The following GALNT2 variants were observed in gnomAD, a reference collection of about 807,000 sequenced individuals.
The protein encoded by GALNT2 is UDP-GalNAc:polypeptide N-acetylgalactosaminyltransferase 2.
In GALNT2, 31 loss-of-function variants were observed where a neutral mutation model predicts 81.4. That is an observed-to-expected ratio of 0.38 (90% CI 0.29 to 0.51). GALNT2 has a LOEUF of 0.51. Among genes scored for constraint, GALNT2 ranks in the 20% least tolerant of loss-of-function variants. GALNT2 has a pLI of 0.87. For missense variants in GALNT2, 629 were observed against 765.7 expected (o/e 0.82, Z 2.11); for synonymous variants, 303 against 287.4 (o/e 1.05, Z -0.55).
chr1:230,178,054 C>T (rs1663040855), intron 1 of GALNT2, among the ~76,000 whole-genome samples, 164 bp from the exon 2 acceptor site: 1 of 152,166 alleles, frequency 6.6e-6, no homozygotes, highest in African/African-American at 2.4e-5. Flanking sequence ...GACTCCCTAA[C>T]AATTTCTGGT....
At chr1:230,137,121 T>G (rs372708973) in intron 1 of GALNT2, among the ~76,000 whole-genome samples, 3 of 152,216 alleles carry the variant, frequency 2.0e-5, no homozygotes, top group African/African-American at 7.2e-5. Context: ...GCGTGTGGAC[T>G]GTTCCCACCC....
intron 6 of GALNT2, among the ~76,000 whole-genome samples, chr1:230,239,835 T>C (rs1028800174): frequency 2.0e-5 from 3 of 152,252 alleles, no homozygotes; most frequent in African/African-American, 7.2e-5. Flanking sequence ...ATACTTTTCA[T>C]GTATGCACAG....
intron 6 of GALNT2, among the ~76,000 whole-genome samples, chr1:230,241,886 T>G (rs1665212610): frequency 6.6e-6 from 1 of 152,248 alleles, no homozygotes; most frequent in Non-Finnish European, 1.5e-5. Context: ...CAAACTTTGT[T>G]TTCTCTGCAG....
intron 1 of GALNT2, among the ~76,000 whole-genome samples, chr1:230,077,180 T>G (rs1378006009): frequency 1.3e-5 from 2 of 152,208 alleles, no homozygotes; most frequent in Non-Finnish European, 2.9e-5. Context: ...CCTCCCAGTC[T>G]CATTGTTTCC....
chr1:230,076,988 T>G (rs1204251502), intron 1 of GALNT2, among the ~76,000 whole-genome samples: 1 of 152,234 alleles, frequency 6.6e-6, no homozygotes, highest in Non-Finnish European at 1.5e-5. Context: ...ATGAAGGGTC[T>G]TTCTTAGCTA....
intron 3 of GALNT2, among the ~76,000 whole-genome samples, chr1:230,234,309 A>T (rs921401451): frequency 6.6e-6 from 1 of 152,052 alleles, no homozygotes; most frequent in African/African-American, 2.4e-5. Context: ...TCAGAGAGAG[A>T]CCTTGGTTCT....
rs757622597 is a variant in GALNT2 at position 230,236,075 on chromosome 1, A to G, written c.436A>G (p.Asn146Asp). 6 of 1,614,000 alleles carry G rather than the reference A, an allele frequency of 3.7e-6. No individual in the cohort carries two copies. Among genetic ancestry groups the G allele is most frequent in the Non-Finnish European group, 4.2e-6 (5 of 1,180,012 alleles). The stretch of plus-strand genomic sequence containing the variant: ...CACCAGCGTGGTGATCACGTTTCAC[A>G]ATGAAGCCAGGTCGGCCCTACTCAG... ...PATSVVITFH[N>D]EARSALLRTV... The change falls in exon 4 of 16, where the codon AAT (asparagine) becomes GAT (aspartate). Residue 146 changes from asparagine to aspartate, a missense_variant. Around this residue, in one of 3 missense-constraint regions of GALNT2, gnomAD observed 360 missense variants for 492.8 expected, o/e 0.73. Coordinates refer to ENST00000366672, the MANE Select transcript of GALNT2 (RefSeq NM_004481.5).
At chr1:230,184,781 T>C (rs1663268948) in intron 2 of GALNT2, among the ~76,000 whole-genome samples, 1 of 152,192 alleles carries the variant, frequency 6.6e-6, no homozygotes, top group Non-Finnish European at 1.5e-5. Flanking sequence ...TGTTCAACAT[T>C]AATTTGGGGA....
At chr1:230,091,078 TC>T in intron 1 of GALNT2, among the ~76,000 whole-genome samples, 1 of 152,018 alleles carries the variant, frequency 6.6e-6, no homozygotes, top group African/African-American at 2.4e-5. Flanking sequence ...TTTCTTTCTT[TC>T]TTTTTTTTTT....
chr1:230,236,555 C>T, intron 5 of GALNT2, 105 bp from the exon 6 acceptor site: 1 of 1,417,752 alleles, frequency 7.1e-7, no homozygotes, highest in African/African-American at 1.4e-5. Context: ...TCTGTGATGC[C>T]CCAAGGAGAT....
At chr1:230,204,381 C>T (rs1161138774) in intron 3 of GALNT2, among the ~76,000 whole-genome samples, 4 of 152,128 alleles carry the variant, frequency 2.6e-5, no homozygotes, top group Admixed American at 2.0e-4. Flanking sequence ...GTTGGCCAGG[C>T]TGGTCTCAAA....
Position 230,067,313 on chromosome 1 carries a change from C to T in GALNT2, c.33C>T (p.Phe11=). The T allele has an allele frequency of 1.4e-6, 2 of 1,383,522 alleles. No individual in the cohort carries two copies. The highest frequency in any genetic ancestry group is 1.9e-6 in the Non-Finnish European group (2 of 1,055,208). The allele number at this position is 1,383,522 out of a possible 1,614,324, so 85.7% of individuals were successfully genotyped here. Residue 11 remains phenylalanine, a synonymous_variant, in exon 1 of 16, where the codon TTC becomes TTT. Transcript: ENST00000366672. ...GGCGCTCGCGGATGCTGCTCTGCTT[C>T]GCCTTCCTGTGGGTGCTGGGCATCG... is the stretch of plus-strand genomic sequence containing the variant. The part of the protein sequence containing the change: MRRRSRMLLC[F]AFLWVLGIAY...
chr1:230,276,986 T>A (rs539051787), intron 15 of GALNT2, among the ~76,000 whole-genome samples: 5 of 152,370 alleles, frequency 3.3e-5, no homozygotes, highest in African/African-American at 1.2e-4. Flanking sequence ...TGACTTTAGT[T>A]GACACCTTTT....
At chr1:230,180,878 T>C in intron 2 of GALNT2, among the ~76,000 whole-genome samples, 1 of 152,198 alleles carries the variant, frequency 6.6e-6, no homozygotes, top group Non-Finnish European at 1.5e-5. Context: ...ATGTAAATGG[T>C]CTTGTGATTT....
intron 1 of GALNT2, among the ~76,000 whole-genome samples, chr1:230,130,513 G>A (rs1311548078): frequency 6.6e-6 from 1 of 152,200 alleles, no homozygotes; most frequent in Non-Finnish European, 1.5e-5. Flanking sequence ...AGGAACACCA[G>A]TTTGATACAG....
rs73105902 is a variant in GALNT2, at chr1:230,098,798, C to T, written c.126+31392C>T. Among the ~76,000 whole-genome samples the T allele has an allele frequency of 8.9e-3, 1,356 of 152,198 alleles. 13 individuals carry two copies. Among genetic ancestry groups the T allele is most frequent in the African/African-American group, 0.024 (996 of 41,530 alleles). ...GGATAGGGGGTTAATCAGAAGCCAA[C>T]GTGGCAGATTAGCATCCAAGATGGA... On this transcript the variant is annotated intron_variant, in intron 1 of 15. Transcript: ENST00000366672.
chr1:230,189,683 G>T (rs1291537733), intron 2 of GALNT2, among the ~76,000 whole-genome samples: 1 of 152,198 alleles, frequency 6.6e-6, no homozygotes, highest in Non-Finnish European at 1.5e-5. Context: ...GCCATTTTAA[G>T]CGTTGTTAAG....
At chr1:230,077,541 G>T (rs1174580191) in intron 1 of GALNT2, among the ~76,000 whole-genome samples, 1 of 152,178 alleles carries the variant, frequency 6.6e-6, no homozygotes. Context: ...AGCTCTTTCA[G>T]ACCGAGACAT....
At chr1:230,201,234 G>A (rs1663883453) in intron 2 of GALNT2, among the ~76,000 whole-genome samples, 1 of 152,152 alleles carries the variant, frequency 6.6e-6, no homozygotes, top group Admixed American at 6.5e-5. Context: ...CCCACAGGCA[G>A]CTGTTTATTG....
Sources: allele counts gnomAD v4.1 joint callset (sites outside exome capture counted in the v4.1 genomes callset), GRCh38; gene constraint gnomAD v4.1.1; regional missense constraint gnomAD v4.1.1; transcripts MANE v1.5; gene names NCBI Gene and HGNC (gene_info 2026-07-23, HGNC 2026-07-21).